The following PATJ variants were observed in gnomAD, a reference collection of about 807,000 sequenced individuals.
The protein encoded by PATJ is inaD-like protein.
PATJ carries 190 observed loss-of-function variants against 224.9 expected under a neutral mutation model. That is an observed-to-expected ratio of 0.84 (90% CI 0.75 to 0.95). The LOEUF is 0.95. Ranked by LOEUF, PATJ falls within the 40% of genes least tolerant of loss-of-function variation. The pLI, the probability that PATJ is intolerant of heterozygous loss-of-function variation, is 0.00. For synonymous variants in PATJ, 769 were observed against 820.3 expected, an observed-to-expected ratio of 0.94 and a Z score of 1.07; for missense variants, 2,121 against 2,270.3, an observed-to-expected ratio of 0.93 and a Z score of 1.34.
At chr1:61,952,674 CAA>C in intron 27 of PATJ, among the ~76,000 whole-genome samples, 1 of 152,156 alleles carries the variant, frequency 6.6e-6, no homozygotes, top group Non-Finnish European at 1.5e-5. Flanking sequence ...ATCAGACTGT[CAA>C]AGATATACCA....
chr1:61,933,974 C>T (rs191128508), intron 27 of PATJ, among the ~76,000 whole-genome samples: 77 of 151,624 alleles, frequency 5.1e-4, no homozygotes, highest in African/African-American at 1.6e-3. Context: ...CTTGCTCTGT[C>T]GCCCAGGCTG....
intron 3 of PATJ, among the ~76,000 whole-genome samples, chr1:61,765,000 C>T (rs1646178397): frequency 6.9e-6 from 1 of 144,388 alleles, no homozygotes; most frequent in Admixed American, 7.1e-5. Flanking sequence ...ATATTTTATG[C>T]ATTGGACTGT....
chr1:62,032,569 A>C (rs571660873), intron 29 of PATJ, among the ~76,000 whole-genome samples: 3 of 152,356 alleles, frequency 2.0e-5, no homozygotes, highest in African/African-American at 7.2e-5. Context: ...TTTGTCTAAC[A>C]CAAGTTATAT....
At chr1:61,989,980 T>A (rs1644970282) in intron 27 of PATJ, among the ~76,000 whole-genome samples, 188 bp from the exon 28 acceptor site, 1 of 152,082 alleles carries the variant, frequency 6.6e-6, no homozygotes, top group Admixed American at 6.5e-5. Context: ...GAGGCTGTAG[T>A]GTGCTATAGT....
At chr1:61,858,638 G>A (rs1352903881) in intron 18 of PATJ, among the ~76,000 whole-genome samples, 2 of 152,130 alleles carry the variant, frequency 1.3e-5, no homozygotes, top group Non-Finnish European at 2.9e-5. Context: ...ACCAAGCCAT[G>A]AGGGATCCAC....
chr1:61,854,943 G>A (rs1663409568), intron 17 of PATJ, among the ~76,000 whole-genome samples: 1 of 152,140 alleles, frequency 6.6e-6, no homozygotes, highest in Non-Finnish European at 1.5e-5. Flanking sequence ...TCATATTTAA[G>A]TGTGTATTGG....
intron 15 of PATJ, among the ~76,000 whole-genome samples, chr1:61,826,458 G>A (rs1252051182): frequency 1.3e-5 from 2 of 152,208 alleles, no homozygotes; most frequent in Non-Finnish European, 2.9e-5. Flanking sequence ...GGAGTCAGAT[G>A]CGAAAAGATT....
intron 24 of PATJ, among the ~76,000 whole-genome samples, chr1:61,905,474 C>T (rs1182948106): frequency 6.6e-6 from 1 of 152,162 alleles, no homozygotes; most frequent in Non-Finnish European, 1.5e-5. Context: ...ATGGATGTAC[C>T]AATTTGTTTA....
intron 34 of PATJ, among the ~76,000 whole-genome samples, chr1:62,110,988 C>G (rs1033795059): frequency 6.6e-6 from 1 of 152,220 alleles, no homozygotes; most frequent in African/African-American, 2.4e-5. Flanking sequence ...TGATATTTCT[C>G]TCATGATTAT....
In PATJ at chr1:61,956,620, G is replaced by T. The variant is rs190553329; in HGVS notation, c.3670+28791G>T. ...GCTTGAGTATATCTCATGCTTCTTG[G>T]AAATGTTTTGATTATACCTGCAGGG... On this transcript the variant is annotated intron_variant, in intron 27 of 43. Transcript: ENST00000642238. 1.2e-4 allele frequency among the ~76,000 whole-genome samples: 18 copies of T among 152,248 alleles called. No individual in the cohort carries two copies. In the East Asian group the frequency reaches 3.1e-3, roughly 26 times the overall value.
chr1:61,963,174 A>G lies in PATJ; in HGVS notation c.3671-26994A>G, dbSNP rs76619725. ...TTAAAGATCAGCATATAACTTTTAA[A>G]TCTCCCAAAACTTTACTAATAGCCT... On this transcript the variant is annotated intron_variant, in intron 27 of 43. Coordinates refer to ENST00000642238, the MANE Select transcript of PATJ (RefSeq NM_001350145.3). Among the ~76,000 whole-genome samples, 816 of 152,326 alleles carry G rather than the reference A, an allele frequency of 5.4e-3. 5 individuals are homozygous for G. Among genetic ancestry groups the G allele is most frequent in the Middle Eastern group, 0.027 (8 of 294 alleles).
At chr1:61,884,646 G>A (rs1346577171) in intron 22 of PATJ, among the ~76,000 whole-genome samples, 4 of 152,052 alleles carry the variant, frequency 2.6e-5, no homozygotes, top group Non-Finnish European at 4.4e-5. Context: ...TATCTGCTTA[G>A]AGAATGGGAG....
intron 31 of PATJ, among the ~76,000 whole-genome samples, chr1:62,055,715 T>C (rs967326295): frequency 6.6e-6 from 1 of 152,092 alleles, no homozygotes; most frequent in Non-Finnish European, 1.5e-5. Flanking sequence ...ACTTGAAAAA[T>C]TGAAGTGACT....
intron 33 of PATJ, among the ~76,000 whole-genome samples, chr1:62,099,572 A>T (rs897841615): frequency 2.6e-5 from 4 of 151,846 alleles, no homozygotes; most frequent in Non-Finnish European, 5.9e-5. Context: ...GACTTTTATG[A>T]GTATGGCAAA....
At chr1:61,842,208 G>T (rs1392490827) in intron 17 of PATJ, among the ~76,000 whole-genome samples, 1 of 152,158 alleles carries the variant, frequency 6.6e-6, no homozygotes, top group Non-Finnish European at 1.5e-5. Context: ...AAGAGGCTGT[G>T]TGTATATCAG....
In PATJ at chr1:61,838,244, C is replaced by T. The variant is rs537249253; in HGVS notation, c.2112+4459C>T. Among the ~76,000 whole-genome samples, 290 of 152,170 alleles carry T rather than the reference C, an allele frequency of 1.9e-3. 1 individual carries two copies. Among genetic ancestry groups the T allele is most frequent in the African/African-American group, 6.4e-3 (267 of 41,518 alleles). ...TTAAAATCCCACTCTGTATGTGTGCCGTATTAGGAGATTCACTGATCTCCA... is the reference window on the plus strand; with the variant it reads ...TTAAAATCCCACTCTGTATGTGTGCTGTATTAGGAGATTCACTGATCTCCA... On this transcript the variant is annotated intron_variant, in intron 17 of 43. Transcript: ENST00000642238.
chr1:62,087,099 C>CT (rs986930671), intron 33 of PATJ, among the ~76,000 whole-genome samples: 3 of 152,118 alleles, frequency 2.0e-5, no homozygotes, highest in African/African-American at 7.2e-5. Context: ...TCCCAAGCTC[C>CT]TGTCCGGCGT....
At position 61,763,146 on chromosome 1, in the gene PATJ, A is replaced by T. The variant is rs200933107; in HGVS notation, c.156A>T (p.Thr52=). ...LKSPLFNQIL[T]LQQSIKQLKG... is the part of the protein sequence containing the mutation. ...GTCCTCTCTTCAACCAGATACTCACACTTCAGCAGTCCATCAAGCAACTGA... is the reference window on the plus strand; with the variant it reads ...GTCCTCTCTTCAACCAGATACTCACTCTTCAGCAGTCCATCAAGCAACTGA... The change falls in exon 3 of 44, where the codon ACA becomes ACT. Residue 52 remains threonine (T), a synonymous_variant. Transcript: ENST00000642238. 4.9e-5 allele frequency: 78 copies of T among 1,598,298 alleles called. No individual in the cohort carries two copies. Among genetic ancestry groups the T allele is most frequent in the Non-Finnish European group, 3.8e-5 (45 of 1,172,836 alleles).
intron 30 of PATJ, among the ~76,000 whole-genome samples, chr1:62,039,838 C>A (rs531071586): frequency 6.6e-6 from 1 of 152,076 alleles, no homozygotes; most frequent in Admixed American, 6.6e-5. Context: ...ATCTACTGGG[C>A]AGTCGAGCTG....
Sources: allele counts gnomAD v4.1 joint callset (sites outside exome capture counted in the v4.1 genomes callset), GRCh38; gene constraint gnomAD v4.1.1; transcripts MANE v1.5; gene names NCBI Gene and HGNC (gene_info 2026-07-23, HGNC 2026-07-21).